The following TCEAL4 variants were observed in gnomAD, a reference collection of about 807,000 sequenced individuals.
The protein encoded by TCEAL4 is transcription elongation factor A protein-like 4.
In TCEAL4, 1 loss-of-function variant was observed where a neutral mutation model predicts 1.3. That is an observed-to-expected ratio of 0.79 (90% CI 0.28 to 3.76). TCEAL4 has a LOEUF of 3.76. Ranked by LOEUF, TCEAL4 falls within the 30% of genes most tolerant of loss-of-function variation. The pLI, the probability that TCEAL4 is intolerant of heterozygous loss-of-function variation, is 0.18. For missense variants in TCEAL4, 129 were observed against 154.7 expected (o/e 0.83, Z 0.88); for synonymous variants, 54 against 50.7 (o/e 1.06, Z -0.28).
exon 1 of TCEAL4, chrX:103,576,313 T>G (rs1425066742): frequency 5.7e-6 from 4 of 700,980 alleles, no homozygotes; most frequent in Non-Finnish European, 8.3e-6. Context: ...TATCTATTTA[T>G]GATTTATTTT....
chrX:103,585,453 G>A, upstream of TCEAL4: 1 of 1,080,482 alleles, frequency 9.3e-7, no homozygotes, highest in South Asian at 2.5e-5. Flanking sequence ...GGCTGGAAGC[G>A]GCTGGCTAGG....
chrX:103,576,966 TG>T, intron 1 of TCEAL4: 1 of 822,343 alleles, frequency 1.2e-6, no homozygotes, highest in Admixed American at 3.7e-5. Flanking sequence ...AATTGTTACA[TG>T]GCAGCTGCTT....
rs770308789 is a variant in TCEAL4 at position 103,577,135 on chromosome X, T to A, written c.105T>A (p.Cys35Ter). The A allele has an allele frequency of 1.5e-5, 18 of 1,165,501 alleles. No homozygotes were observed. The highest frequency in any genetic ancestry group is 1.9e-5 in the Non-Finnish European group (17 of 872,848). Residue 35 changes from cysteine (C) to a stop codon, truncating the protein, a stop_gained, in exon 2 of 5, where the codon TGT becomes TGA. Coordinates refer to the TCEAL4 transcript ENST00000372629. LOFTEE classifies it high-confidence loss of function. ...AAGGAAGAGACAAAGTCCACATCTGTCAATGCGAAGAATGGAAAGGTCACA... is the reference window on the plus strand; with the variant it reads ...AAGGAAGAGACAAAGTCCACATCTGACAATGCGAAGAATGGAAAGGTCACA...
upstream of TCEAL4, among the ~76,000 whole-genome samples, chrX:103,580,615 CT>C (rs943221784): frequency 1.8e-5 from 2 of 111,177 alleles, no homozygotes; most frequent in Admixed American, 9.6e-5. Flanking sequence ...CGCCACCACA[CT>C]GGGCTAAATT....
chrX:103,579,453 C>A (rs1323290716), intron 2 of TCEAL4, among the ~76,000 whole-genome samples: 1 of 112,104 alleles, frequency 8.9e-6, no homozygotes, highest in Non-Finnish European at 1.9e-5. Context: ...TTTCTTTCAA[C>A]AATTTTTTTT....
At chrX:103,583,108 CAT>C (rs1408816185), upstream of TCEAL4, among the ~76,000 whole-genome samples, 3 of 112,049 alleles carry the variant, frequency 2.7e-5, no homozygotes, top group African/African-American at 9.7e-5. Flanking sequence ...GGCCAAAAAA[CAT>C]GTGAAAAAAA....
chrX:103,582,185 C>T (rs2073511482), upstream of TCEAL4, among the ~76,000 whole-genome samples: 1 of 111,294 alleles, frequency 9.0e-6, no homozygotes, highest in African/African-American at 3.3e-5. Flanking sequence ...ATATAGCTAA[C>T]AAGGGAAGTG....
upstream of TCEAL4, among the ~76,000 whole-genome samples, chrX:103,584,387 T>C (rs1421323440): frequency 6.3e-5 from 7 of 112,000 alleles, no homozygotes; most frequent in African/African-American, 1.6e-4. Context: ...CTCTTTGTTG[T>C]ACAGTCACAC....
chrX:103,584,414 A>G (rs1359648916), upstream of TCEAL4, among the ~76,000 whole-genome samples: 1 of 111,781 alleles, frequency 8.9e-6, no homozygotes, highest in Non-Finnish European at 1.9e-5. Flanking sequence ...TCGATTGGTC[A>G]ACGACAACGG....
intron 1 of TCEAL4, chrX:103,577,014 C>T: frequency 9.2e-7 from 1 of 1,086,340 alleles, no homozygotes; most frequent in East Asian, 3.4e-5. Context: ...CCAGGCAGAT[C>T]TTTGTGGGGT....
exon 1 of TCEAL4, chrX:103,576,377 A>G (rs1270642891): frequency 6.8e-5 from 75 of 1,097,582 alleles, no homozygotes; most frequent in Non-Finnish European, 8.0e-5. Flanking sequence ...GTATTGCTGC[A>G]TAACAAATTA....
chrX:103,576,906 C>T (rs1383886620), intron 1 of TCEAL4, among the ~76,000 whole-genome samples: 1 of 112,175 alleles, frequency 8.9e-6, no homozygotes, highest in South Asian at 3.7e-4. Flanking sequence ...AGCTGTCAAT[C>T]AAAGAGCAAA....
upstream of TCEAL4, among the ~76,000 whole-genome samples, chrX:103,581,322 C>T (rs1472932549): frequency 9.0e-6 from 1 of 111,537 alleles, no homozygotes; most frequent in Non-Finnish European, 1.9e-5. Context: ...CAAAGAACAG[C>T]TGGGATAGTT....
At chrX:103,581,335 T>C (rs1249271303), upstream of TCEAL4, among the ~76,000 whole-genome samples, 1 of 111,728 alleles carries the variant, frequency 9.0e-6, no homozygotes, top group East Asian at 2.8e-4. Context: ...GGATAGTTTC[T>C]ATTGAAACTA....
At chrX:103,577,126 C>T (rs897401062) in exon 2 of TCEAL4, 50 of 1,165,340 alleles carry the variant, frequency 4.3e-5, no homozygotes, top group Non-Finnish European at 5.5e-5. Flanking sequence ...GAGACAAAGT[C>T]CACATCTGTC....
At chrX:103,577,124 G>A in exon 2 of TCEAL4, 1 of 1,167,011 alleles carries the variant, frequency 8.6e-7, no homozygotes, top group Non-Finnish European at 1.1e-6. Flanking sequence ...AAGAGACAAA[G>A]TCCACATCTG....
chrX:103,577,282 A>G, intron 2 of TCEAL4: 1 of 1,082,168 alleles, frequency 9.2e-7, no homozygotes, highest in South Asian at 2.2e-5. Flanking sequence ...AAAAGTATGG[A>G]ACATTTCTAA....
chrX:103,581,277 C>T (rs1221259753), upstream of TCEAL4, among the ~76,000 whole-genome samples: 3 of 110,966 alleles, frequency 2.7e-5, no homozygotes, highest in Admixed American at 9.5e-5. Context: ...AAGCCCAGGA[C>T]CAGACATATT....
chrX:103,586,338 A>G (rs1274322586), intron 2 of TCEAL4, 47 bp downstream of exon 2: 1 of 1,153,559 alleles, frequency 8.7e-7, no homozygotes, highest in African/African-American at 1.8e-5. Flanking sequence ...ACAAGGGTTG[A>G]GAGTGTGGAG....
Sources: allele counts gnomAD v4.1 joint callset (sites outside exome capture counted in the v4.1 genomes callset), GRCh38; gene constraint gnomAD v4.1.1; transcripts MANE v1.5; gene names NCBI Gene and HGNC (gene_info 2026-07-23, HGNC 2026-07-21).